The following DPP6 variants were observed in gnomAD, a reference collection of about 807,000 sequenced individuals.
DPP6 encodes the protein dipeptidyl peptidase like 6.
A neutral mutation model predicts 122.6 loss-of-function variants in DPP6; 69 were observed. The ratio of observed to expected loss-of-function variants is 0.56; its 90% CI spans 0.46 to 0.69. The LOEUF (loss-of-function observed/expected upper bound fraction) is 0.69, where lower values mean the gene tolerates loss of function less well. DPP6 is among the 30% of genes least tolerant of loss of function. The probability of loss-of-function intolerance (pLI) is 0.00; values close to 1 mark genes in which losing one functional copy is unlikely to be tolerated. For missense variants in DPP6, 928 were observed against 1,116.9 expected, an observed-to-expected ratio of 0.83 and a Z score of 2.41; for synonymous variants, 418 against 433.1, an observed-to-expected ratio of 0.97 and a Z score of 0.43.
At chr7:153,970,908 A>G (rs1795986378) in intron 1 of DPP6, among the ~76,000 whole-genome samples, 1 of 152,142 alleles carries the variant, frequency 6.6e-6, no homozygotes, top group South Asian at 2.1e-4. Flanking sequence ...AAAGACTTAA[A>G]ATCAGGTCGT....
intron 1 of DPP6, among the ~76,000 whole-genome samples, chr7:154,339,650 T>G (rs199698416): frequency 1.4e-5 from 2 of 144,360 alleles, no homozygotes; most frequent in Admixed American, 1.4e-4. Flanking sequence ...TTTTTTTTTT[T>G]CATTGCATTG....
rs575771007 is a variant in DPP6 at position 154,681,796 on chromosome 7, C to T, written c.762+12355C>T. 2.0e-5 allele frequency among the ~76,000 whole-genome samples: 3 copies of T among 152,318 alleles called. No homozygotes were observed. The South Asian group carries it at 6.2e-4, about 32-fold the overall frequency. On this transcript the variant is annotated intron_variant, in intron 7 of 25. Transcript: ENST00000377770. ...TGTAGAATAACTGCGACCTTTTCTT[C>T]CTTTAAAGTGCTGAAATACTGTCAG...
At chr7:154,644,770 G>A (rs986765775) in intron 6 of DPP6, among the ~76,000 whole-genome samples, 25 of 149,352 alleles carry the variant, frequency 1.7e-4, no homozygotes, top group Admixed American at 4.0e-4. Flanking sequence ...GTGCAGTGGC[G>A]CGATCTCGGC....
chr7:154,822,553 T>C (rs1799863607), intron 16 of DPP6, among the ~76,000 whole-genome samples: 1 of 152,094 alleles, frequency 6.6e-6, no homozygotes, highest in Admixed American at 6.5e-5. Flanking sequence ...GCCCAGACTA[T>C]GTGTAGCTGA....
At chr7:154,351,660 C>A (rs1462055896) in intron 1 of DPP6, among the ~76,000 whole-genome samples, 1 of 152,164 alleles carries the variant, frequency 6.6e-6, no homozygotes, top group African/African-American at 2.4e-5. Context: ...CTCAGCTGAT[C>A]TACAAGGGTA....
chr7:154,313,684 G>GGTGTGTGC (rs146683070), intron 1 of DPP6, among the ~76,000 whole-genome samples: 427 of 25,080 alleles, frequency 0.017, 40 homozygotes, highest in East Asian at 0.11. Context: ...TTTAAGATAT[G>GGTGTGTGC]GTATATATAT....
At chr7:154,870,166 G>GTTTTTTA (rs1563304420) in intron 18 of DPP6, among the ~76,000 whole-genome samples, 1 of 116,982 alleles carries the variant, frequency 8.5e-6, no homozygotes, top group African/African-American at 3.3e-5. Flanking sequence ...TTTTTTTTTC[G>GTTTTTTA]TAGAGACAGG....
intron 1 of DPP6, among the ~76,000 whole-genome samples, chr7:154,382,333 C>A (rs971809207): frequency 1.3e-5 from 2 of 152,076 alleles, no homozygotes; most frequent in Non-Finnish European, 2.9e-5. Context: ...CACAAGCTTG[C>A]GCCACCACAG....
At chr7:153,984,434 G>A (rs1460140907) in intron 1 of DPP6, among the ~76,000 whole-genome samples, 5 of 152,186 alleles carry the variant, frequency 3.3e-5, no homozygotes, top group African/African-American at 9.7e-5. Context: ...CAGGGGGCAC[G>A]AAGAAGAGAC....
At chr7:154,428,345 T>C (rs925108794) in intron 1 of DPP6, among the ~76,000 whole-genome samples, 2 of 152,202 alleles carry the variant, frequency 1.3e-5, no homozygotes, top group Admixed American at 1.3e-4. Context: ...AAAACAGATA[T>C]TCCACTAATA....
intron 15 of DPP6, 115 bp downstream of exon 15, chr7:154,805,079 C>T: frequency 7.3e-7 from 1 of 1,374,380 alleles, no homozygotes; most frequent in Non-Finnish European, 9.9e-7. Context: ...CAGACCCCAC[C>T]ACAGAGGAGT....
At chr7:153,803,600 A>C in the DPP6 span, among the ~76,000 whole-genome samples, 6 of 151,946 alleles carry the variant, frequency 3.9e-5, no homozygotes, top group African/African-American at 1.5e-4. Context: ...CAGTCTGCAG[A>C]TGGCAGATTC....
Position 154,829,173 on chromosome 7 carries a change from A to T in DPP6, c.1666+22061A>T, listed in dbSNP as rs190672393. On this transcript the variant is annotated intron_variant, in intron 16 of 25. Transcript: ENST00000377770. ...CGAGGCAGGTGGATCGCTTGAGCTC[A>T]AGAGTTTGAGACCAGCCTGGGCAAC... is the stretch of plus-strand genomic sequence containing the variant. Among the ~76,000 whole-genome samples, 18 of 151,948 alleles carry T rather than the reference A, an allele frequency of 1.2e-4. No homozygotes were observed. The East Asian group carries it at 2.7e-3, about 23-fold the overall frequency.
At chr7:154,509,712 G>T (rs566522319) in intron 3 of DPP6, among the ~76,000 whole-genome samples, 1 of 152,204 alleles carries the variant, frequency 6.6e-6, no homozygotes, top group East Asian at 1.9e-4. Flanking sequence ...GCCAAAAAGT[G>T]CAAACAACCC....
At chr7:154,813,086 AT>A (rs11288303) in intron 16 of DPP6, among the ~76,000 whole-genome samples, 3,202 of 147,522 alleles carry the variant, frequency 0.022, 96 homozygotes, top group African/African-American at 0.071. Context: ...TAATTCCTCA[AT>A]TTTTTTTTTT....
At chr7:153,995,684 A>C (rs1315812350) in intron 1 of DPP6, among the ~76,000 whole-genome samples, 1 of 152,198 alleles carries the variant, frequency 6.6e-6, no homozygotes, top group African/African-American at 2.4e-5. Flanking sequence ...ACTAGAAAAA[A>C]AAATTAGCTT....
At chr7:154,177,275 A>G (rs1247175654) in intron 1 of DPP6, among the ~76,000 whole-genome samples, 3 of 152,342 alleles carry the variant, frequency 2.0e-5, no homozygotes, top group South Asian at 2.1e-4. Flanking sequence ...ATGTGGAACA[A>G]TATTACCGCA....
chr7:154,071,326 A>G (rs1803105533), intron 1 of DPP6, among the ~76,000 whole-genome samples: 2 of 152,334 alleles, frequency 1.3e-5, no homozygotes, highest in African/African-American at 4.8e-5. Context: ...TTTTACAAAT[A>G]TGGAAACTAG....
At chr7:153,836,573 A>G in the DPP6 span, among the ~76,000 whole-genome samples, 1 of 152,206 alleles carries the variant, frequency 6.6e-6, no homozygotes, top group Admixed American at 6.5e-5. Flanking sequence ...TTTATTGTAA[A>G]AAGAGAATAA....
Sources: gnomAD v4.1 joint callset for allele counts (sites outside exome capture counted in the v4.1 genomes callset) on GRCh38, gnomAD v4.1.1 for gene constraint, MANE v1.5 for transcripts, NCBI Gene and HGNC (gene_info 2026-07-23, HGNC 2026-07-21) for gene names.